FLOT1: variants seen among roughly 807,000 people sequenced by gnomAD.
FLOT1 encodes flotillin 1, also known as flotillin-1.
FLOT1 carries 40 observed loss-of-function variants against 58.4 expected under a neutral mutation model. The observed-to-expected ratio is 0.69, with a 90% CI of 0.53 to 0.89. The LOEUF is 0.89. Ranked by LOEUF, FLOT1 falls within the 40% of genes least tolerant of loss-of-function variation. The pLI is 0.00. For synonymous variants in FLOT1, 178 were observed against 204.2 expected, an observed-to-expected ratio of 0.87 and a Z score of 1.09; for missense variants, 423 against 540.8, an observed-to-expected ratio of 0.78 and a Z score of 2.16.
chr6:30,728,985 A>G (rs4947288), intron 12 of FLOT1, among the ~76,000 whole-genome samples: 29,037 of 151,288 alleles, frequency 0.19, 3,170 homozygotes, highest in South Asian at 0.33. Context: ...TCACTGTGTT[A>G]GCCAGGATGG....
In FLOT1 at chr6:30,730,082, C is replaced by G; in HGVS notation, c.1194G>C (p.Leu398=). 2 of 1,613,006 alleles carry G rather than the reference C, an allele frequency of 1.2e-6. No individual in the cohort carries two copies. The highest frequency in any genetic ancestry group is 1.7e-6 in the Non-Finnish European group (2 of 1,180,002). Residue 398 remains leucine (L), a synonymous_variant, in exon 12 of 13, where the codon CTG becomes CTC. Coordinates refer to ENST00000376389, the MANE Select transcript of FLOT1 (RefSeq NM_005803.4). ...MGAAKVTGEV[L]DILTRLPESV... ...TCTCTGGCAGGCGAGTTAGAATGTC[C>G]AGTACTTCCCCAGTCACTTTGGCTG...
intron 9 of FLOT1, 41 bp downstream of exon 9, chr6:30,730,878 G>A: frequency 6.2e-6 from 10 of 1,601,336 alleles, no homozygotes; most frequent in Non-Finnish European, 8.5e-6. Context: ...GGGTGCCTAG[G>A]TGGCAAGTGA....
chr6:30,741,265 C>G lies in FLOT1; in HGVS notation c.279G>C (p.Glu93Asp). ...AACQMFLGKTEAEIAHIALET... is the reference protein window; with the variant it reads ...AACQMFLGKTDAEIAHIALET... ...CCAGGGCAATGTGGGCAATCTCAGC[C>G]TCCGTCTTCCCCAGGAACATCTGAC... Residue 93 changes from glutamate (E) to aspartate (D), a missense_variant, in exon 5 of 13, where the codon GAG becomes GAC. Coordinates refer to ENST00000376389, the MANE Select transcript of FLOT1 (RefSeq NM_005803.4). The surrounding 1 kb of genome is among the most constrained non-coding windows in gnomAD (Gnocchi z 5.9). 6.2e-7 allele frequency: 1 copy of G among 1,613,114 alleles called. No homozygotes were observed. The highest frequency in any genetic ancestry group is 1.1e-5 in the South Asian group (1 of 91,088).
intron 8 of FLOT1, among the ~76,000 whole-genome samples, chr6:30,733,804 A>T (rs1192912842): frequency 2.0e-5 from 3 of 151,504 alleles, no homozygotes; most frequent in Non-Finnish European, 4.4e-5. Flanking sequence ...TAATCCCAGC[A>T]CTTTGGGAGG....
chr6:30,740,795 T>A lies in FLOT1; in HGVS notation c.358A>T (p.Ile120Phe). 6.2e-7 allele frequency: 1 copy of A among 1,610,500 alleles called. No homozygotes were observed. The highest frequency in any genetic ancestry group is 8.5e-7 in the Non-Finnish European group (1 of 1,178,372). The change falls in exon 6 of 13, where the codon ATC (isoleucine) becomes TTC (phenylalanine). Residue 120 changes from isoleucine (I) to phenylalanine (F), a missense_variant. Coordinates refer to ENST00000376389, the MANE Select transcript of FLOT1 (RefSeq NM_005803.4). ...GAGAATTTCTGCCTGTCCTTATAGA[T>A]CTCCTGTGATAACAGGATGGTGGGG... ...AIMAHMTVEE[I>F]YKDRQKFSEQ...
At chr6:30,740,101 T>C (rs1032663747) in intron 8 of FLOT1, 57 bp downstream of exon 8, 3 of 1,552,814 alleles carry the variant, frequency 1.9e-6, no homozygotes, top group African/African-American at 1.4e-5. Flanking sequence ...TGTCCTGAGA[T>C]GGACAGCCTG....
intron 8 of FLOT1, among the ~76,000 whole-genome samples, chr6:30,738,208 C>T (rs1777723940): frequency 6.6e-6 from 1 of 152,186 alleles, no homozygotes; most frequent in Admixed American, 6.5e-5. Flanking sequence ...AGGGCCAGGG[C>T]CTGCAATTTT....
chr6:30,736,198 G>A (rs1010087037), intron 8 of FLOT1: 6 of 152,186 alleles, frequency 3.9e-5, no homozygotes, highest in Non-Finnish European at 7.3e-5. Flanking sequence ...GCTGTAGTGA[G>A]CTGAGATTGT....
rs754804649 is a variant in FLOT1, at chr6:30,740,497, C to G, written c.569G>C (p.Arg190Pro). ...CTAAGCAACCCCCATCTCTCTCACC[C>G]GGATCCCAGCATCTCTCTTGGCCTC... The part of the protein sequence containing the change: ...EAEAKRDAGI[R>P]EAKAKQEKVS... Residue 190 changes from arginine to proline, a missense_variant and splice_region_variant, in exon 7 of 13, where the codon CGG becomes CCG. Coordinates refer to ENST00000376389, the MANE Select transcript of FLOT1 (RefSeq NM_005803.4). 1 of 1,612,392 alleles carries G rather than the reference C, an allele frequency of 6.2e-7. No homozygotes were observed. The highest frequency in any genetic ancestry group is 1.1e-5 in the South Asian group (1 of 91,044).
chr6:30,728,290 CCAAA>C lies in FLOT1; in HGVS notation c.1255-149_1255-146del, dbSNP rs547989187. On this transcript the variant is annotated intron_variant, in intron 12 of 12. Coordinates refer to ENST00000376389, the MANE Select transcript of FLOT1 (RefSeq NM_005803.4). ...TTCTGGTGCCCTACCACCTGTTTCC[CCAAA>C]CAAAGACATCAGGACCCACATACAA... 272 of 718,232 alleles carry C rather than the reference CCAAA, an allele frequency of 3.8e-4. No individual in the cohort carries two copies. The East Asian group carries it at 6.0e-3, about 16-fold the overall frequency. The allele number at this position is 718,232 out of a possible 1,614,324, so 44.5% of individuals were successfully genotyped here.
At chr6:30,730,648 C>T (rs1562175337) in intron 10 of FLOT1, 34 bp downstream of exon 10, 1 of 1,613,750 alleles carries the variant, frequency 6.2e-7, no homozygotes, top group East Asian at 2.2e-5. Context: ...CCCACCCTCT[C>T]CACAAGCCAG....
In FLOT1 at chr6:30,740,207, A is replaced by G. The variant is rs1777869293; in HGVS notation, c.674T>C (p.Ile225Thr). 6.2e-7 allele frequency: 1 copy of G among 1,612,794 alleles called. No individual in the cohort carries two copies. The highest frequency in any genetic ancestry group is 8.5e-7 in the Non-Finnish European group (1 of 1,179,996). ...DYELKKAAYD[I>T]EVNTRRAQAD... ...CTGTGCTCGGCGGGTGTTGACCTCG[A>G]TGTCATAGGCGGCCTTCTTCAGTTC... is the stretch of plus-strand genomic sequence containing the variant. The change falls in exon 8 of 13, where the codon ATC becomes ACC. Residue 225 changes from isoleucine (I) to threonine (T), a missense_variant. By Grantham distance (89) the Ile-to-Thr change is moderately conservative. This residue lies in a region of FLOT1 where 137 missense variants were observed against 194.6 expected (regional missense o/e 0.70). Coordinates refer to ENST00000376389, the MANE Select transcript of FLOT1 (RefSeq NM_005803.4).
chr6:30,738,570 T>C (rs1265201899), intron 8 of FLOT1, among the ~76,000 whole-genome samples: 1 of 152,226 alleles, frequency 6.6e-6, no homozygotes. Context: ...AACATTTTCA[T>C]CAACTGATCA....
chr6:30,742,323 C>G lies in FLOT1; in HGVS notation c.-14-120G>C. 2.5e-6 allele frequency: 2 copies of G among 804,682 alleles called. No homozygotes were observed. The allele number at this position is 804,682 out of a possible 1,614,324, so 49.8% of individuals were successfully genotyped here. ...AGTCTGCATCCGCCACGGCCCGTCC[C>G]TTCTACACCCATGGGTCCGCTAAGG... On this transcript the variant is annotated intron_variant, in intron 1 of 12. Transcript: ENST00000376389. This position sits in a 1 kb window ranked among gnomAD's most constrained non-coding sequence, Gnocchi z 5.2.
Position 30,742,027 on chromosome 6 carries a change from G to C in FLOT1, c.43+120C>G. On this transcript the variant is annotated intron_variant, in intron 2 of 12. Coordinates refer to ENST00000376389, the MANE Select transcript of FLOT1 (RefSeq NM_005803.4). The surrounding 1 kb of genome is among the most constrained non-coding windows in gnomAD (Gnocchi z 5.2). ...TGGTGGGAATCAAACTGGGCAGTTC[G>C]TGGCCATCAAGGGGCAGAAGTCTGG... 3 of 1,223,264 alleles carry C rather than the reference G, an allele frequency of 2.5e-6. No individual in the cohort carries two copies. Among genetic ancestry groups the C allele is most frequent in the African/African-American group, 1.5e-5 (1 of 67,312 alleles). 75.8% of individuals were successfully genotyped at this position (1,223,264 alleles called of 1,614,324 possible). A position where few individuals can be genotyped will look rare whatever the true frequency, so the allele number is the denominator to read the frequency against.
rs189410632 is a variant in FLOT1, at chr6:30,729,953, T to C, written c.1254+69A>G. 998 of 1,433,182 alleles carry C rather than the reference T, an allele frequency of 7.0e-4. 6 individuals are homozygous for C. Among genetic ancestry groups the C allele is most frequent in the Non-Finnish European group, 3.3e-4 (337 of 1,023,450 alleles). 88.8% of individuals were successfully genotyped at this position (1,433,182 alleles called of 1,614,324 possible). ...CTCCCAGGCCTGGATGCTGGTTAAA[T>C]GCTAGGCATACTGTGTCACACAACA... On this transcript the variant is annotated intron_variant, in intron 12 of 12. Coordinates refer to ENST00000376389, the MANE Select transcript of FLOT1 (RefSeq NM_005803.4).
chr6:30,730,330 T>TC (rs1327636906), intron 11 of FLOT1, 98 bp downstream of exon 11: 6 of 1,496,894 alleles, frequency 4.0e-6, no homozygotes, highest in Non-Finnish European at 4.5e-6. Context: ...TAATTTAGAG[T>TC]CCCCCTAGGC....
intron 10 of FLOT1, 54 bp from the exon 11 acceptor site, chr6:30,730,619 C>A: frequency 6.2e-7 from 1 of 1,613,874 alleles, no homozygotes; most frequent in Non-Finnish European, 8.5e-7. Flanking sequence ...AACAAGAAAT[C>A]CCCGATCAAG....
At position 30,737,230 on chromosome 6, in the gene FLOT1, G is replaced by GTCCATCCA. The variant is rs1191258584; in HGVS notation, c.723+2927_723+2928insTGGATGGA. On this transcript the variant is annotated intron_variant, in intron 8 of 12. Transcript: ENST00000376389. This position sits in a 1 kb window ranked among gnomAD's most constrained non-coding sequence, Gnocchi z 4.4. ...CTGTCGTCCGTCCGTCCGTCCGTCC[G>GTCCATCCA]TCCGTCCGTCCGTCCGTCCATCCGT... Among the ~76,000 whole-genome samples the GTCCATCCA allele has an allele frequency of 4.3e-3, 584 of 136,658 alleles. 10 individuals are homozygous for GTCCATCCA. Among genetic ancestry groups the GTCCATCCA allele is most frequent in the African/African-American group, 0.014 (473 of 33,540 alleles). The allele number at this position is 136,658 out of a possible 152,430, so 89.7% of individuals were successfully genotyped here.
Sources: gnomAD v4.1 joint callset for allele counts (sites outside exome capture counted in the v4.1 genomes callset) on GRCh38, gnomAD v4.1.1 for gene constraint, gnomAD v4.1.1 regional missense constraint, Gnocchi (gnomAD v3.1) non-coding constraint, MANE v1.5 for transcripts, NCBI Gene and HGNC (gene_info 2026-07-23, HGNC 2026-07-21) for gene names.